Variants in LRBA observed in about 807,000 individuals in gnomAD.
LRBA encodes the protein lipopolysaccharide-responsive and beige-like anchor protein.
Under a neutral mutation model 330.0 loss-of-function variants are expected in LRBA, and 176 were observed. The ratio of observed to expected loss-of-function variants is 0.53; its 90% CI spans 0.47 to 0.60. The LOEUF (loss-of-function observed/expected upper bound fraction) is 0.60, where lower values mean the gene tolerates loss of function less well. Among genes scored for constraint, LRBA ranks in the 20% least tolerant of loss-of-function variants. LRBA has a pLI of 0.00. For missense variants in LRBA, 3,259 were observed against 3,444.8 expected, an observed-to-expected ratio of 0.95 and a Z score of 1.35; for synonymous variants, 1,230 against 1,193.0, an observed-to-expected ratio of 1.03 and a Z score of -0.64.
intron 47 of LRBA, among the ~76,000 whole-genome samples, chr4:150,410,931 A>G (rs996004322): frequency 1.3e-5 from 2 of 152,184 alleles, no homozygotes; most frequent in Non-Finnish European, 2.9e-5. Context: ...CATTGACATT[A>G]TATCATAAGA....
intron 40 of LRBA, among the ~76,000 whole-genome samples, chr4:150,568,454 C>T (rs567417052): frequency 6.6e-6 from 1 of 152,122 alleles, no homozygotes; most frequent in South Asian, 2.1e-4. Context: ...TCTTTTATTC[C>T]CTCCTTCTTT....
rs746205437 is a variant in LRBA, at chr4:150,828,289, T to G, written c.5062A>C (p.Ile1688Leu). 7 of 1,614,072 alleles carry G rather than the reference T, an allele frequency of 4.3e-6. No individual in the cohort carries two copies. The East Asian group carries it at 1.6e-4, about 36-fold the overall frequency. The change falls in exon 30 of 57, where the codon ATA (isoleucine) becomes CTA (leucine). Residue 1688 changes from isoleucine to leucine, a missense_variant. By Grantham distance (5) the Ile-to-Leu change is conservative (BLOSUM62 2). Transcript: ENST00000651943. ...VKDILRSLVNIPADGVTVDPA... is the reference protein window; with the variant it reads ...VKDILRSLVNLPADGVTVDPA... ...TCCACTGTGACTCCATCTGCTGGTA[T>G]GTTAACCAAGCTTCGGAGAATGTCT...
At chr4:150,504,789 T>A (rs1306958878) in intron 40 of LRBA, among the ~76,000 whole-genome samples, 1 of 151,956 alleles carries the variant, frequency 6.6e-6, no homozygotes, top group Non-Finnish European at 1.5e-5. Context: ...GCAAATTGGA[T>A]AAAGAGTCAA....
At chr4:150,944,982 C>T (rs946336145) in intron 2 of LRBA, among the ~76,000 whole-genome samples, 4 of 152,206 alleles carry the variant, frequency 2.6e-5, no homozygotes, top group Non-Finnish European at 5.9e-5. Context: ...GTTCCTCCTT[C>T]GCCTTCCACT....
At chr4:150,437,461 T>A (rs947577922) in intron 44 of LRBA, among the ~76,000 whole-genome samples, 3 of 150,274 alleles carry the variant, frequency 2.0e-5, no homozygotes, top group African/African-American at 7.3e-5. Flanking sequence ...GTATATACTT[T>A]AACCAGAGGA....
intron 22 of LRBA, among the ~76,000 whole-genome samples, chr4:150,861,195 T>G (rs371735589): frequency 6.6e-6 from 1 of 152,104 alleles, no homozygotes; most frequent in African/African-American, 2.4e-5. Context: ...TTCAAACTCC[T>G]GGGCTCAAGT....
intron 52 of LRBA, 56 bp downstream of exon 52, chr4:150,310,173 C>T: frequency 3.2e-6 from 4 of 1,230,826 alleles, no homozygotes; most frequent in South Asian, 1.3e-5. Flanking sequence ...CATCCTAAGC[C>T]TCTCAATACT....
At chr4:150,832,578 AGAGT>A (rs1336851571) in intron 28 of LRBA, among the ~76,000 whole-genome samples, 1 of 152,234 alleles carries the variant, frequency 6.6e-6, no homozygotes, top group East Asian at 1.9e-4. Flanking sequence ...CCTGGGCGAC[AGAGT>A]GAGTGAGACT....
chr4:150,680,365 G>C (rs1031532329), intron 37 of LRBA, among the ~76,000 whole-genome samples: 1 of 152,154 alleles, frequency 6.6e-6, no homozygotes, highest in African/African-American at 2.4e-5. Flanking sequence ...AAGAGAGAGA[G>C]AGAAAGAACT....
chr4:150,943,282 T>C (rs1176654416), intron 2 of LRBA, among the ~76,000 whole-genome samples: 1 of 152,202 alleles, frequency 6.6e-6, no homozygotes. Flanking sequence ...CAATGGAACC[T>C]CTTTTCCTTT....
intron 52 of LRBA, 123 bp from the exon 53 acceptor site, chr4:150,302,915 A>G (rs1248413250): frequency 1.6e-6 from 1 of 633,862 alleles, no homozygotes; most frequent in Admixed American, 3.4e-5. Context: ...ATTTTATAAT[A>G]ATTTGACATG....
At chr4:150,836,075 T>C (rs541159921) in intron 28 of LRBA, among the ~76,000 whole-genome samples, 2 of 152,350 alleles carry the variant, frequency 1.3e-5, no homozygotes, top group African/African-American at 4.8e-5. Flanking sequence ...GTTTTTGTCG[T>C]TGGTTCTGTT....
At chr4:150,906,015 T>C (rs1350417512) in intron 12 of LRBA, 25 bp from the exon 13 acceptor site, 1 of 1,604,528 alleles carries the variant, frequency 6.2e-7, no homozygotes, top group East Asian at 2.2e-5. Flanking sequence ...GTTCAAATGT[T>C]ACCACAAATT....
chr4:150,696,544 CTTAA>C (rs1393652978), intron 36 of LRBA, among the ~76,000 whole-genome samples: 2 of 152,130 alleles, frequency 1.3e-5, no homozygotes, highest in African/African-American at 4.8e-5. Flanking sequence ...TTATTGTAGG[CTTAA>C]TTGTGATGTT....
chr4:150,362,041 G>C (rs1341110187), intron 47 of LRBA, among the ~76,000 whole-genome samples: 1 of 152,016 alleles, frequency 6.6e-6, no homozygotes, highest in Non-Finnish European at 1.5e-5. Flanking sequence ...CAAAGTGCTG[G>C]GATTACAGGC....
chr4:150,331,034 C>G (rs1002091510), intron 48 of LRBA, among the ~76,000 whole-genome samples: 1 of 152,100 alleles, frequency 6.6e-6, no homozygotes, highest in Non-Finnish European at 1.5e-5. Flanking sequence ...CTCAGGGAAG[C>G]TCTGAAAGAT....
chr4:150,985,624 G>A (rs897879330), intron 2 of LRBA, among the ~76,000 whole-genome samples: 1 of 151,172 alleles, frequency 6.6e-6, no homozygotes, highest in Non-Finnish European at 1.5e-5. Context: ...TCAGCCTCCC[G>A]AGTAGCCAGG....
At chr4:150,937,549 T>A (rs1023285354) in intron 2 of LRBA, among the ~76,000 whole-genome samples, 2 of 152,154 alleles carry the variant, frequency 1.3e-5, no homozygotes, top group African/African-American at 4.8e-5. Flanking sequence ...TGGAAACTGA[T>A]GTATAGTCTT....
At chr4:150,903,685 A>G (rs1731007975) in intron 13 of LRBA, among the ~76,000 whole-genome samples, 1 of 152,314 alleles carries the variant, frequency 6.6e-6, no homozygotes, top group Non-Finnish European at 1.5e-5. Flanking sequence ...AGTTACAGTG[A>G]GCTGAGATCC....
Sources: allele counts gnomAD v4.1 joint callset (sites outside exome capture counted in the v4.1 genomes callset), GRCh38; gene constraint gnomAD v4.1.1; transcripts MANE v1.5; gene names NCBI Gene and HGNC (gene_info 2026-07-23, HGNC 2026-07-21).